Variants in GRIA4 observed in about 807,000 individuals in gnomAD.
GRIA4 encodes the protein glutamate receptor 4.
In GRIA4, 34 loss-of-function variants were observed where a neutral mutation model predicts 104.0. The ratio of observed to expected loss-of-function variants is 0.33; its 90% CI spans 0.25 to 0.44. The LOEUF (loss-of-function observed/expected upper bound fraction) is 0.44. Ranked by LOEUF, GRIA4 falls within the 20% of genes least tolerant of loss-of-function variation. The pLI is 1.00. For synonymous variants in GRIA4, 386 were observed against 381.9 expected (o/e 1.01, Z -0.13); for missense variants, 750 against 1,096.5 (o/e 0.68, Z 4.46).
chr11:105,772,248 G>A (rs1337204854), intron 4 of GRIA4, among the ~76,000 whole-genome samples: 1 of 152,034 alleles, frequency 6.6e-6, no homozygotes, highest in Non-Finnish European at 1.5e-5. Flanking sequence ...TAACGCCAAC[G>A]TACCCGTGCC....
chr11:105,799,447 T>C (rs1243333918), intron 4 of GRIA4, among the ~76,000 whole-genome samples: 1 of 151,926 alleles, frequency 6.6e-6, no homozygotes, highest in Non-Finnish European at 1.5e-5. Flanking sequence ...TGGGAGAAAT[T>C]ACAACGGGTA....
At chr11:105,614,417 A>C (rs1950550055) in intron 3 of GRIA4, 1 of 151,938 alleles carries the variant, frequency 6.6e-6, no homozygotes, top group Non-Finnish European at 1.5e-5. Context: ...TATGTGAAAT[A>C]AAGTGTTACT....
chr11:105,678,541 C>A (rs939312155), intron 3 of GRIA4, among the ~76,000 whole-genome samples: 1 of 152,062 alleles, frequency 6.6e-6, no homozygotes, highest in Non-Finnish European at 1.5e-5. Context: ...GTAGGCAGCA[C>A]TGAGTTTGTA....
At chr11:105,669,568 C>T (rs185023149) in intron 3 of GRIA4, among the ~76,000 whole-genome samples, 16 of 152,158 alleles carry the variant, frequency 1.1e-4, no homozygotes, top group Middle Eastern at 3.4e-3. Flanking sequence ...CTCATTTTTA[C>T]GCACAGATAA....
chr11:105,627,966 G>A (rs1950930270), intron 3 of GRIA4, among the ~76,000 whole-genome samples: 1 of 152,000 alleles, frequency 6.6e-6, no homozygotes, highest in Non-Finnish European at 1.5e-5. Context: ...TACTACAACC[G>A]TGACTTGCCA....
At chr11:105,810,568 T>A (rs1456612096) in intron 4 of GRIA4, among the ~76,000 whole-genome samples, 1 of 152,138 alleles carries the variant, frequency 6.6e-6, no homozygotes. Context: ...AGGGTGCACA[T>A]CTCTGTCAGT....
chr11:105,911,774 CAATATATATATATATATATATA>C, intron 10 of GRIA4: 1 of 50,510 alleles, frequency 2.0e-5, no homozygotes, highest in Non-Finnish European at 3.6e-5. Context: ...ACTTGAAAAG[CAATATATATATATATATATATA>C]TATATATATA....
At chr11:105,975,689 C>T (rs891570938) in intron 16 of GRIA4, among the ~76,000 whole-genome samples, 9 of 152,092 alleles carry the variant, frequency 5.9e-5, no homozygotes, top group African/African-American at 2.2e-4. Context: ...ACTTGATGTA[C>T]CCTAGAGTCA....
chr11:105,961,792 T>A (rs765758406), intron 14 of GRIA4, among the ~76,000 whole-genome samples: 2 of 152,222 alleles, frequency 1.3e-5, no homozygotes, highest in African/African-American at 4.8e-5. Flanking sequence ...CTTATAAGGA[T>A]AATAATCCAC....
rs183625185 is a variant in GRIA4, at chr11:105,904,783, T to C, written c.1054-414T>C. Among the ~76,000 whole-genome samples the C allele has an allele frequency of 2.8e-4, 42 of 152,286 alleles. 1 individual carries two copies. In the East Asian group the frequency reaches 7.1e-3, roughly 26 times the overall value. On this transcript the variant is annotated intron_variant, in intron 8 of 16. Transcript: ENST00000282499. The stretch of plus-strand genomic sequence containing the variant: ...GTCCTTATACTTTTTGCTTCTTATA[T>C]CTTAATTTTAATATTAGCAAGGTGA...
chr11:105,768,547 A>G (rs1461575859), intron 4 of GRIA4, among the ~76,000 whole-genome samples: 3 of 152,094 alleles, frequency 2.0e-5, no homozygotes, highest in Non-Finnish European at 4.4e-5. Flanking sequence ...GAGAAGAAAT[A>G]AATTATACTC....
chr11:105,734,707 C>T (rs963774550), intron 3 of GRIA4, among the ~76,000 whole-genome samples: 1 of 152,168 alleles, frequency 6.6e-6, no homozygotes. Context: ...CTTTATAGCA[C>T]TTTGCAATTT....
In GRIA4 at chr11:105,809,024, T is replaced by C. The variant is rs187848629; in HGVS notation, c.488-53000T>C. ...ATATAGTATGAATTTTATTTGATAATTATTTGTTAATAGTGGTTCATTAAT... is the reference window on the plus strand; with the variant it reads ...ATATAGTATGAATTTTATTTGATAACTATTTGTTAATAGTGGTTCATTAAT... On this transcript the variant is annotated intron_variant, in intron 4 of 16. Transcript: ENST00000282499. Among the ~76,000 whole-genome samples, 25 of 152,252 alleles carry C rather than the reference T, an allele frequency of 1.6e-4. No homozygotes were observed. The East Asian group carries it at 3.9e-3, about 24-fold the overall frequency.
intron 14 of GRIA4, among the ~76,000 whole-genome samples, chr11:105,948,733 G>A (rs1334941468): frequency 1.3e-5 from 2 of 151,108 alleles, no homozygotes; most frequent in Non-Finnish European, 2.9e-5. Context: ...AGCCTCCTGA[G>A]TAGCTGGGAC....
At chr11:105,746,519 T>C (rs1939669074) in intron 3 of GRIA4, among the ~76,000 whole-genome samples, 1 of 152,050 alleles carries the variant, frequency 6.6e-6, no homozygotes, top group Non-Finnish European at 1.5e-5. Flanking sequence ...ATGAAATTTC[T>C]GCACTATCAG....
chr11:105,688,158 C>A (rs7102925), intron 3 of GRIA4, among the ~76,000 whole-genome samples: 1,912 of 82,588 alleles, frequency 0.023, 17 homozygotes, highest in African/African-American at 0.059. Flanking sequence ...ATCTATATCT[C>A]TATCTATCTA....
intron 3 of GRIA4, among the ~76,000 whole-genome samples, chr11:105,748,496 C>T (rs1216813710): frequency 6.6e-6 from 1 of 152,142 alleles, no homozygotes; most frequent in Non-Finnish European, 1.5e-5. Flanking sequence ...GATTCTCCTG[C>T]CTCAGCCTCC....
rs576464582 is a variant in GRIA4 at position 105,714,352 on chromosome 11, C to A, written c.248-38629C>A. Among the ~76,000 whole-genome samples the A allele has an allele frequency of 2.0e-5, 3 of 152,054 alleles. No individual in the cohort carries two copies. The East Asian group carries it at 5.8e-4, about 29-fold the overall frequency. On this transcript the variant is annotated intron_variant, in intron 3 of 16. Coordinates refer to ENST00000282499, the MANE Select transcript of GRIA4 (RefSeq NM_000829.4). ...AGAGAGTATGTATCATCAAATCACA[C>A]TGTTTTAAATTTCTTAATATTTTAA...
At chr11:105,895,887 G>A (rs1565323922) in intron 6 of GRIA4, among the ~76,000 whole-genome samples, 1 of 152,146 alleles carries the variant, frequency 6.6e-6, no homozygotes, top group Non-Finnish European at 1.5e-5. Flanking sequence ...ATAAACATAT[G>A]AGTGCTGATG....
Sources: allele counts gnomAD v4.1 joint callset (sites outside exome capture counted in the v4.1 genomes callset), GRCh38; gene constraint gnomAD v4.1.1; transcripts MANE v1.5; gene names NCBI Gene and HGNC (gene_info 2026-07-23, HGNC 2026-07-21).